DOK6: variants seen among roughly 807,000 people sequenced by gnomAD.
The protein encoded by DOK6 is docking protein 6.
In DOK6, 22 loss-of-function variants were observed where a neutral mutation model predicts 44.0. The ratio of observed to expected loss-of-function variants is 0.50; its 90% confidence interval spans 0.36 to 0.71. DOK6 has a LOEUF of 0.71. Among genes scored for constraint, DOK6 ranks in the 30% least tolerant of loss-of-function variants. The probability of loss-of-function intolerance (pLI) is 0.00; values close to 1 mark genes in which losing one functional copy is unlikely to be tolerated. For synonymous variants in DOK6, 166 were observed against 145.5 expected, an observed-to-expected ratio of 1.14 and a Z score of -1.01; for missense variants, 340 against 416.4, an observed-to-expected ratio of 0.82 and a Z score of 1.60.
At chr18:69,577,903 G>A (rs749631205) in intron 2 of DOK6, among the ~76,000 whole-genome samples, 8 of 151,952 alleles carry the variant, frequency 5.3e-5, no homozygotes, top group Non-Finnish European at 8.8e-5. Flanking sequence ...ATTCTATGTG[G>A]CTTAATAATG....
At chr18:69,629,712 GGT>G (rs1385025195) in intron 3 of DOK6, among the ~76,000 whole-genome samples, 1 of 152,160 alleles carries the variant, frequency 6.6e-6, no homozygotes, top group African/African-American at 2.4e-5. Context: ...TTTCAAGAGT[GGT>G]GGGCAAGTCA....
chr18:69,728,266 G>C (rs757723049), intron 5 of DOK6, among the ~76,000 whole-genome samples: 45 of 152,156 alleles, frequency 3.0e-4, no homozygotes, highest in Non-Finnish European at 6.0e-4. Flanking sequence ...GCATTCTCCA[G>C]AATTTTCACT....
chr18:69,806,739 G>A (rs545666629), intron 7 of DOK6, among the ~76,000 whole-genome samples: 1 of 151,968 alleles, frequency 6.6e-6, no homozygotes, highest in East Asian at 1.9e-4. Flanking sequence ...TCACACCACT[G>A]GGCAGGTTAT....
intron 1 of DOK6, among the ~76,000 whole-genome samples, chr18:69,452,680 G>A (rs1459595295): frequency 8.8e-5 from 13 of 148,490 alleles, no homozygotes; most frequent in Middle Eastern, 3.4e-3. Flanking sequence ...CTGGCAAACC[G>A]AATCCAGCAG....
intron 1 of DOK6, among the ~76,000 whole-genome samples, chr18:69,564,219 G>A (rs1468107417): frequency 1.3e-5 from 2 of 152,022 alleles, no homozygotes; most frequent in African/African-American, 4.8e-5. Flanking sequence ...AATTTATATG[G>A]TACTGACATC....
intron 5 of DOK6, among the ~76,000 whole-genome samples, chr18:69,705,532 A>C (rs972026317): frequency 2.0e-5 from 3 of 152,180 alleles, no homozygotes; most frequent in Admixed American, 2.0e-4. Context: ...CAAAGAATTA[A>C]CAGATTATAA....
At chr18:69,631,967 T>A (rs534242098) in intron 3 of DOK6, among the ~76,000 whole-genome samples, 1 of 152,352 alleles carries the variant, frequency 6.6e-6, no homozygotes, top group East Asian at 1.9e-4. Flanking sequence ...TTTTGATTCA[T>A]TGTATGCCTT....
chr18:69,628,316 C>T (rs1280686157), intron 3 of DOK6, among the ~76,000 whole-genome samples: 3 of 152,216 alleles, frequency 2.0e-5, no homozygotes, highest in East Asian at 3.9e-4. Flanking sequence ...CTTGGTGAAA[C>T]CCCATGTTTA....
chr18:69,550,825 C>T (rs1438277336), intron 1 of DOK6, among the ~76,000 whole-genome samples: 1 of 142,726 alleles, frequency 7.0e-6, no homozygotes, highest in African/African-American at 2.6e-5. Context: ...ACTCCCTCAC[C>T]CAGTCTGGAG....
At chr18:69,596,085 T>C (rs1983734458) in intron 2 of DOK6, among the ~76,000 whole-genome samples, 1 of 152,136 alleles carries the variant, frequency 6.6e-6, no homozygotes, top group African/African-American at 2.4e-5. Context: ...ATATGAGAGA[T>C]ATAAGCTAAA....
At chr18:69,757,911 A>C (rs1979414278) in intron 7 of DOK6, 38 bp downstream of exon 7, 1 of 1,541,762 alleles carries the variant, frequency 6.5e-7, no homozygotes, top group Non-Finnish European at 9.0e-7. Flanking sequence ...TGCCTCCATA[A>C]GCTTCCTCCA....
intron 1 of DOK6, among the ~76,000 whole-genome samples, chr18:69,525,877 CT>C (rs1444687001): frequency 6.6e-6 from 1 of 151,982 alleles, no homozygotes; most frequent in African/African-American, 2.4e-5. Flanking sequence ...CTTTTCTTGA[CT>C]TTTGAGTCAT....
chr18:69,640,559 C>T (rs946380399), intron 3 of DOK6, among the ~76,000 whole-genome samples: 1 of 152,118 alleles, frequency 6.6e-6, no homozygotes, highest in Admixed American at 6.5e-5. Flanking sequence ...GAAGCTTAAA[C>T]TCCTGTGATG....
At chr18:69,716,343 A>G (rs1986880494) in intron 5 of DOK6, among the ~76,000 whole-genome samples, 2 of 152,252 alleles carry the variant, frequency 1.3e-5, no homozygotes, top group Admixed American at 1.3e-4. Context: ...GTCACCATGC[A>G]ATGCGAACTA....
intron 1 of DOK6, among the ~76,000 whole-genome samples, chr18:69,409,266 A>T (rs1038338320): frequency 6.6e-6 from 1 of 152,184 alleles, no homozygotes; most frequent in African/African-American, 2.4e-5. Flanking sequence ...TCTTTCCTTT[A>T]TAAATTACCC....
intron 3 of DOK6, among the ~76,000 whole-genome samples, chr18:69,650,244 C>T (rs1190587537): frequency 6.6e-6 from 1 of 152,070 alleles, no homozygotes; most frequent in Non-Finnish European, 1.5e-5. Flanking sequence ...GAAGAGGATG[C>T]AGGGAATACT....
chr18:69,761,781 T>C (rs1224795013), intron 7 of DOK6, among the ~76,000 whole-genome samples: 1 of 152,132 alleles, frequency 6.6e-6, no homozygotes, highest in Admixed American at 6.5e-5. Flanking sequence ...CACTGAGGAT[T>C]GTCTGGAGCT....
chr18:69,647,572 TC>T (rs2144659887), intron 3 of DOK6: 1 of 152,262 alleles, frequency 6.6e-6, no homozygotes, highest in African/African-American at 2.4e-5. Context: ...TAAAGAGGGA[TC>T]AGGCCTTGGG....
At position 69,841,336 on chromosome 18, in the gene DOK6, C is replaced by T. The variant is rs779144654; in HGVS notation, c.949C>T (p.Arg317Trp). 14 of 1,614,046 alleles carry T rather than the reference C, an allele frequency of 8.7e-6. No individual in the cohort carries two copies. Among genetic ancestry groups the T allele is most frequent in the African/African-American group, 5.3e-5 (4 of 74,908 alleles). ...TGAAGAGGCCCAGCAGCCGTTGTCG[C>T]GGTCCAGCAGCTATGGATTCAGCTA... is the stretch of plus-strand genomic sequence containing the variant. ...QSEEAQQPLS[R>W]SSSYGFSYSS... is the part of the protein sequence containing the mutation. The change falls in exon 8 of 8, where the codon CGG (arginine) becomes TGG (tryptophan). Residue 317 changes from arginine (R) to tryptophan (W), a missense_variant. Arg to Trp is a moderately radical substitution (Grantham distance 101). This residue lies in a region of DOK6 where 112 missense variants were observed against 109.3 expected (regional missense o/e 1.02). Transcript: ENST00000382713.
Sources: allele counts gnomAD v4.1 joint callset (sites outside exome capture counted in the v4.1 genomes callset), GRCh38; gene constraint gnomAD v4.1.1; regional missense constraint gnomAD v4.1.1; transcripts MANE v1.5; gene names NCBI Gene and HGNC (gene_info 2026-07-23, HGNC 2026-07-21).